Variants in RFTN1 observed in about 807,000 individuals in gnomAD.
RFTN1 encodes the protein raftlin.
A neutral mutation model predicts 46.5 loss-of-function variants in RFTN1; 26 were observed. The observed-to-expected ratio is 0.56, with a 90% confidence interval of 0.41 to 0.78. The LOEUF (loss-of-function observed/expected upper bound fraction) is 0.78, where lower values mean the gene tolerates loss of function less well. Ranked by LOEUF, RFTN1 falls within the 30% of genes least tolerant of loss-of-function variation. The pLI is 0.00. For synonymous variants in RFTN1, 261 were observed against 284.2 expected (o/e 0.92, Z 0.82); for missense variants, 693 against 718.7 (o/e 0.96, Z 0.41).
chr3:16,482,916 C>T, intron 2 of RFTN1: 3 of 1,274,866 alleles, frequency 2.4e-6, no homozygotes, highest in African/African-American at 1.5e-5. Flanking sequence ...ATAGAAAGTC[C>T]CGCCCCACCC....
chr3:16,323,390 T>G lies in RFTN1; in HGVS notation c.1318A>C (p.Lys440Gln). 1 of 1,609,590 alleles carries G rather than the reference T, an allele frequency of 6.2e-7. No homozygotes were observed. The highest frequency in any genetic ancestry group is 1.1e-5 in the South Asian group (1 of 91,034). Residue 440 changes from lysine to glutamine, a missense_variant, in exon 9 of 10, where the codon AAG becomes CAG. Lys to Gln is a moderately conservative substitution (Grantham distance 53). Coordinates refer to ENST00000334133, the MANE Select transcript of RFTN1 (RefSeq NM_015150.2). The stretch of plus-strand genomic sequence containing the variant: ...AAGTCTCTTACCTTCGATTCCTTCT[T>G]CTTGATTTTCTGAGGTAGACAAGGT... Reference protein sequence around the residue: ...QRPCLPQKIKKKESKFQWRFS... With the variant: ...QRPCLPQKIKQKESKFQWRFS...
chr3:16,329,335 G>A lies in RFTN1; in HGVS notation c.1147-2459C>T, dbSNP rs897448943. Among the ~76,000 whole-genome samples, 1 of 147,860 alleles carries A rather than the reference G, an allele frequency of 6.8e-6. No individual in the cohort carries two copies. The highest frequency in any genetic ancestry group is 2.1e-4 in the South Asian group (1 of 4,764). On this transcript the variant is annotated intron_variant, in intron 7 of 9. Coordinates refer to ENST00000334133, the MANE Select transcript of RFTN1 (RefSeq NM_015150.2). This position sits in a 1 kb window ranked among gnomAD's most constrained non-coding sequence, Gnocchi z 4.5. ...AGCACAAGTGGACCGAGACAGGGCG[G>A]AAGTGGAGAAAGGGAAAGGGAAAGA... is the stretch of plus-strand genomic sequence containing the variant.
intron 2 of RFTN1, among the ~76,000 whole-genome samples, chr3:16,482,499 C>A (rs1282710839): frequency 6.6e-6 from 1 of 152,148 alleles, no homozygotes; most frequent in Non-Finnish European, 1.5e-5. Flanking sequence ...CAAAGCCATA[C>A]CCGAGGGACC....
intron 2 of RFTN1, among the ~76,000 whole-genome samples, chr3:16,486,298 A>T (rs569717889): frequency 1.3e-4 from 20 of 151,730 alleles, no homozygotes; most frequent in Non-Finnish European, 2.4e-4. Flanking sequence ...AAATCCAGAG[A>T]AATCTTTCCA....
At chr3:16,501,428 T>C (rs1161541686) in intron 1 of RFTN1, among the ~76,000 whole-genome samples, 2 of 152,228 alleles carry the variant, frequency 1.3e-5, no homozygotes, top group African/African-American at 2.4e-5. Flanking sequence ...CTAGCATGCA[T>C]GCATTTAAAT....
chr3:16,435,400 C>T (rs1433610137), intron 2 of RFTN1, among the ~76,000 whole-genome samples: 1 of 151,550 alleles, frequency 6.6e-6, no homozygotes, highest in African/African-American at 2.4e-5. Context: ...GAAACCCCAT[C>T]TCTGCTAAAA....
At chr3:16,445,293 G>A (rs567364568) in intron 2 of RFTN1, among the ~76,000 whole-genome samples, 2 of 152,166 alleles carry the variant, frequency 1.3e-5, no homozygotes, top group African/African-American at 4.8e-5. Context: ...TCAAGGAAGA[G>A]AAAAAGAGAA....
Position 16,409,454 on chromosome 3 carries a change from C to T in RFTN1, c.362G>A (p.Gly121Asp), listed in dbSNP as rs781235463. 1.2e-6 allele frequency: 2 copies of T among 1,613,228 alleles called. No individual in the cohort carries two copies. Among genetic ancestry groups the T allele is most frequent in the African/African-American group, 1.3e-5 (1 of 75,022 alleles). The change falls in exon 4 of 10, where the codon GGC becomes GAC. Residue 121 changes from glycine (G) to aspartate (D), a missense_variant. Gly to Asp is a moderately conservative substitution (Grantham distance 94, BLOSUM62 -1). Coordinates refer to ENST00000334133, the MANE Select transcript of RFTN1 (RefSeq NM_015150.2). Reference protein sequence around the residue: ...RSQKTDLHNEGYILELDCCSS... With the variant: ...RSQKTDLHNEDYILELDCCSS... ...ACAGCAATCTAATTCCAAGATGTAG[C>T]CTTCATTGTGAAGATCAGTTTTCTG...
In RFTN1 at chr3:16,466,602, G is replaced by A. The variant is rs1366002927; in HGVS notation, c.145+27123C>T. ...GGCTCCTTCCTAATTTAAGGAAAAA[G>A]TAAAACACCAACCATCCTCAGAAAC... On this transcript the variant is annotated intron_variant, in intron 2 of 9. Transcript: ENST00000334133. The surrounding 1 kb of genome is among the most constrained non-coding windows in gnomAD (Gnocchi z 5.6). Among the ~76,000 whole-genome samples, 1 of 152,184 alleles carries A rather than the reference G, an allele frequency of 6.6e-6. No homozygotes were observed. The highest frequency in any genetic ancestry group is 1.9e-4 in the East Asian group (1 of 5,188).
rs992674070 is a variant in RFTN1, at chr3:16,374,781, G to A, written c.826+2937C>T. Among the ~76,000 whole-genome samples the A allele has an allele frequency of 4.6e-5, 7 of 152,162 alleles. No homozygotes were observed. The highest frequency in any genetic ancestry group is 1.3e-4 in the Admixed American group (2 of 15,268). ...GGCTCAGGTGATCACGGCACAGCACGGACCTCCAACCAAAAGGAAATTCCC... is the reference window on the plus strand; with the variant it reads ...GGCTCAGGTGATCACGGCACAGCACAGACCTCCAACCAAAAGGAAATTCCC... On this transcript the variant is annotated intron_variant, in intron 5 of 9. Transcript: ENST00000334133. The surrounding 1 kb of genome is among the most constrained non-coding windows in gnomAD (Gnocchi z 5.4).
chr3:16,415,409 G>GTGTATATA (rs1553589331), intron 3 of RFTN1, among the ~76,000 whole-genome samples: 2 of 104,576 alleles, frequency 1.9e-5, no homozygotes, highest in African/African-American at 6.0e-5. Flanking sequence ...AGACAGTTGA[G>GTGTATATA]TATATATATA....
Position 16,474,426 on chromosome 3 carries a change from A to G in RFTN1, c.145+19299T>C, listed in dbSNP as rs546754794. 9.8e-5 allele frequency among the ~76,000 whole-genome samples: 15 copies of G among 152,328 alleles called. No homozygotes were observed. The highest frequency in any genetic ancestry group is 6.8e-3 in the Middle Eastern group (2 of 294). Reference sequence around the variant, plus strand: ...ACTGCTACACAGCTGCTGATTAATTAGTGAATGCTGCTGCTATTTGCCCTC... The same window carrying G: ...ACTGCTACACAGCTGCTGATTAATTGGTGAATGCTGCTGCTATTTGCCCTC... On this transcript the variant is annotated intron_variant, in intron 2 of 9. Transcript: ENST00000334133. The surrounding 1 kb of genome is among the most constrained non-coding windows in gnomAD (Gnocchi z 5.5).
Position 16,458,893 on chromosome 3 carries a change from C to T in RFTN1, c.146-24856G>A, listed in dbSNP as rs1434798647. ...CATCTGAAAACATGGTGCTTAGCTT[C>T]ACGAATTCCCTAAAAGTTACAACCC... On this transcript the variant is annotated intron_variant, in intron 2 of 9. Coordinates refer to ENST00000334133, the MANE Select transcript of RFTN1 (RefSeq NM_015150.2). This position sits in a 1 kb window ranked among gnomAD's most constrained non-coding sequence, Gnocchi z 5.1. Among the ~76,000 whole-genome samples, 15 of 152,156 alleles carry T rather than the reference C, an allele frequency of 9.9e-5. No individual in the cohort carries two copies. The highest frequency in any genetic ancestry group is 8.5e-4 in the Admixed American group (13 of 15,284).
In RFTN1 at chr3:16,480,726, A is replaced by G. The variant is rs1343844264; in HGVS notation, c.145+12999T>C. On this transcript the variant is annotated intron_variant, in intron 2 of 9. Transcript: ENST00000334133. This position sits in a 1 kb window ranked among gnomAD's most constrained non-coding sequence, Gnocchi z 4.3. ...GACAGTGGACCCAGTGAAATTAGAGAAAGCTTAAAATTCTTTAACGCAATA... is the reference window on the plus strand; with the variant it reads ...GACAGTGGACCCAGTGAAATTAGAGGAAGCTTAAAATTCTTTAACGCAATA... Among the ~76,000 whole-genome samples the G allele has an allele frequency of 6.6e-6, 1 of 152,208 alleles. No individual in the cohort carries two copies. The highest frequency in any genetic ancestry group is 1.5e-5 in the Non-Finnish European group (1 of 68,044).
chr3:16,476,066 A>T (rs2076277162), intron 2 of RFTN1, among the ~76,000 whole-genome samples: 1 of 152,194 alleles, frequency 6.6e-6, no homozygotes, highest in South Asian at 2.1e-4. Flanking sequence ...GAAGGGTTGG[A>T]CTGTGCTGGT....
In RFTN1 at chr3:16,478,314, G is replaced by A. The variant is rs369862274; in HGVS notation, c.145+15411C>T. On this transcript the variant is annotated intron_variant, in intron 2 of 9. Coordinates refer to ENST00000334133, the MANE Select transcript of RFTN1 (RefSeq NM_015150.2). ...CTAATCTTCCTGAAATATAGAGCCCGGGGGCCAAAAGCTACATTTCCCATC... is the reference window on the plus strand; with the variant it reads ...CTAATCTTCCTGAAATATAGAGCCCAGGGGCCAAAAGCTACATTTCCCATC... Among the ~76,000 whole-genome samples, 21 of 152,180 alleles carry A rather than the reference G, an allele frequency of 1.4e-4. No individual in the cohort carries two copies. The East Asian group carries it at 1.5e-3, about 11-fold the overall frequency.
chr3:16,398,356 C>T (rs1575221088), intron 4 of RFTN1, among the ~76,000 whole-genome samples: 1 of 151,752 alleles, frequency 6.6e-6, no homozygotes, highest in East Asian at 1.9e-4. Flanking sequence ...TCTTACCCAG[C>T]AGCATTCCAG....
In RFTN1 at chr3:16,402,148, T is replaced by C. The variant is rs1242093339; in HGVS notation, c.441+7227A>G. ...CTCCTCATGCTGTGTTCTTGGTCCT[T>C]ACAGATGACCCCATCTCACACCTGA... On this transcript the variant is annotated intron_variant, in intron 4 of 9. Coordinates refer to ENST00000334133, the MANE Select transcript of RFTN1 (RefSeq NM_015150.2). The surrounding 1 kb of genome is among the most constrained non-coding windows in gnomAD (Gnocchi z 4.5). Among the ~76,000 whole-genome samples the C allele has an allele frequency of 1.3e-5, 2 of 152,216 alleles. No homozygotes were observed. Among genetic ancestry groups the C allele is most frequent in the African/African-American group, 4.8e-5 (2 of 41,444 alleles).
rs2075987861 is a variant in RFTN1 at position 16,460,426 on chromosome 3, T to C, written c.146-26389A>G. Among the ~76,000 whole-genome samples, 1 of 152,192 alleles carries C rather than the reference T, an allele frequency of 6.6e-6. No homozygotes were observed. Among genetic ancestry groups the C allele is most frequent in the African/African-American group, 2.4e-5 (1 of 41,440 alleles). On this transcript the variant is annotated intron_variant, in intron 2 of 9. Transcript: ENST00000334133. The surrounding 1 kb of genome is among the most constrained non-coding windows in gnomAD (Gnocchi z 4.8). ...TGAGGAGGTTCAGGTAGACATTTCATTTGAATTTCCGGAGCCTGGTTTTAT... is the reference window on the plus strand; with the variant it reads ...TGAGGAGGTTCAGGTAGACATTTCACTTGAATTTCCGGAGCCTGGTTTTAT...
Sources: allele counts gnomAD v4.1 joint callset (sites outside exome capture counted in the v4.1 genomes callset), GRCh38; gene constraint gnomAD v4.1.1; non-coding constraint Gnocchi (gnomAD v3.1); transcripts MANE v1.5; gene names NCBI Gene and HGNC (gene_info 2026-07-23, HGNC 2026-07-21).